ARB2A: variants seen among roughly 807,000 people sequenced by gnomAD.
ARB2A encodes the protein cotranscriptional regulator ARB2A.
At chr5:93,736,572 AACC>A in the ARB2A span, 1 of 152,180 alleles carries the variant, frequency 6.6e-6, no homozygotes, top group African/African-American at 2.4e-5. Flanking sequence ...ACAGAAAAAT[AACC>A]ACCCTTAGAG....
At chr5:93,792,739 TA>T in the ARB2A span, among the ~76,000 whole-genome samples, 15 of 148,672 alleles carry the variant, frequency 1.0e-4, no homozygotes, top group East Asian at 2.3e-3. Context: ...TTAGGAGATA[TA>T]CCTAATGCTA....
At chr5:94,050,252 C>CTT in the ARB2A span, among the ~76,000 whole-genome samples, 39 of 132,590 alleles carry the variant, frequency 2.9e-4, no homozygotes, top group East Asian at 4.4e-4. Context: ...AAAACAGAAA[C>CTT]TTTTTTTTTT....
At chr5:93,804,589 T>G in the ARB2A span, among the ~76,000 whole-genome samples, 1 of 151,852 alleles carries the variant, frequency 6.6e-6, no homozygotes. Flanking sequence ...GCTACTGATT[T>G]TAATTAACAT....
At chr5:94,035,857 G>T in the ARB2A span, among the ~76,000 whole-genome samples, 6 of 152,064 alleles carry the variant, frequency 3.9e-5, no homozygotes, top group African/African-American at 1.2e-4. Context: ...GGCCTGTCGG[G>T]GGGAGGAGGG....
the ARB2A span, among the ~76,000 whole-genome samples, chr5:94,063,307 C>G: frequency 2.0e-5 from 3 of 152,146 alleles, no homozygotes; most frequent in Non-Finnish European, 4.4e-5. Flanking sequence ...TGGGCCCATC[C>G]AATTGCTGCT....
the ARB2A span, among the ~76,000 whole-genome samples, chr5:94,106,505 G>A: frequency 6.6e-6 from 1 of 152,078 alleles, no homozygotes; most frequent in Non-Finnish European, 1.5e-5. Context: ...GGAGAAAACT[G>A]AATGCTTATA....
chr5:94,036,594 C>A, the ARB2A span, among the ~76,000 whole-genome samples: 3,659 of 152,282 alleles, frequency 0.024, 72 homozygotes, highest in Non-Finnish European at 0.038. Context: ...ATTTGCATTT[C>A]TTTCCCTATG....
chr5:93,965,926 T>C, the ARB2A span, among the ~76,000 whole-genome samples: 1 of 152,084 alleles, frequency 6.6e-6, no homozygotes, highest in Non-Finnish European at 1.5e-5. Flanking sequence ...CAGCTTTATC[T>C]TGGCTGGTAA....
chr5:93,666,705 T>A, the ARB2A span, among the ~76,000 whole-genome samples: 1 of 152,198 alleles, frequency 6.6e-6, no homozygotes, highest in African/African-American at 2.4e-5. Context: ...TCCATAGTTT[T>A]GTGCAAGTCA....
chr5:93,682,996 A>C, the ARB2A span: 3 of 1,582,412 alleles, frequency 1.9e-6, no homozygotes, highest in Non-Finnish European at 2.6e-6. Flanking sequence ...CTTCTACAGA[A>C]CTAGGTCCTT....
At chr5:93,854,669 T>A in the ARB2A span, among the ~76,000 whole-genome samples, 6 of 152,344 alleles carry the variant, frequency 3.9e-5, no homozygotes, top group South Asian at 1.2e-3. Flanking sequence ...TTGTTCTCTT[T>A]GGTTTCAAAG....
chr5:93,805,609 C>A, the ARB2A span: 1 of 985,174 alleles, frequency 1.0e-6, no homozygotes, highest in Middle Eastern at 5.2e-4. Context: ...TTCTCACCAA[C>A]TACTGAATTA....
chr5:93,866,887 G>A, the ARB2A span, among the ~76,000 whole-genome samples: 1 of 152,024 alleles, frequency 6.6e-6, no homozygotes, highest in Non-Finnish European at 1.5e-5. Context: ...TATTCTGGTA[G>A]AATCCTTCTA....
the ARB2A span, among the ~76,000 whole-genome samples, chr5:94,005,531 A>G: frequency 1.2e-4 from 18 of 152,214 alleles, no homozygotes; most frequent in Admixed American, 1.2e-3. Context: ...TCTACAAATG[A>G]CTGCAAAAGC....
the ARB2A span, among the ~76,000 whole-genome samples, chr5:93,904,255 C>T: frequency 6.6e-6 from 1 of 151,790 alleles, no homozygotes; most frequent in African/African-American, 2.4e-5. Flanking sequence ...AAAATTGTTG[C>T]CTGATAGGCA....
chr5:93,894,959 C>T, the ARB2A span, among the ~76,000 whole-genome samples: 2 of 152,164 alleles, frequency 1.3e-5, no homozygotes. Flanking sequence ...TTCAGAAACA[C>T]TAATTCAGAA....
chr5:93,768,213 G>A, the ARB2A span, among the ~76,000 whole-genome samples: 10 of 151,290 alleles, frequency 6.6e-5, no homozygotes, highest in Non-Finnish European at 1.3e-4. Flanking sequence ...AGTGGGAGTG[G>A]TGCAAGGGAT....
At chr5:93,674,595 CA>C in the ARB2A span, among the ~76,000 whole-genome samples, 2 of 152,188 alleles carry the variant, frequency 1.3e-5, no homozygotes, top group African/African-American at 4.8e-5. Context: ...AAGCCAAAGA[CA>C]TTGATCATGT....
chr5:93,668,349 C>A, the ARB2A span, among the ~76,000 whole-genome samples: 7 of 152,226 alleles, frequency 4.6e-5, no homozygotes, highest in African/African-American at 1.7e-4. Context: ...AAGCAATCCT[C>A]CCAACTCAGC....
Sources: allele counts gnomAD v4.1 joint callset (sites outside exome capture counted in the v4.1 genomes callset), GRCh38; gene constraint gnomAD v4.1.1; transcripts MANE v1.5; gene names NCBI Gene and HGNC (gene_info 2026-07-23, HGNC 2026-07-21).